The following ARHGEF3 variants were observed in gnomAD, a reference collection of about 807,000 sequenced individuals.
ARHGEF3 encodes Rho guanine nucleotide exchange factor 3, also known as 59.8 kDA protein.
Under a neutral mutation model 63.2 loss-of-function variants are expected in ARHGEF3, and 28 were observed. That is an observed-to-expected ratio of 0.44 (90% CI 0.33 to 0.61). The LOEUF (loss-of-function observed/expected upper bound fraction) is 0.61. Ranked by LOEUF, ARHGEF3 falls within the 20% of genes least tolerant of loss-of-function variation. The probability of loss-of-function intolerance (pLI) is 0.03; values close to 1 mark genes in which losing one functional copy is unlikely to be tolerated. For missense variants in ARHGEF3, 533 were observed against 659.3 expected (o/e 0.81, Z 2.10); for synonymous variants, 266 against 254.2 (o/e 1.05, Z -0.44).
chr3:56,888,942 C>A (rs577781272), intron 3 of ARHGEF3, among the ~76,000 whole-genome samples: 74 of 150,652 alleles, frequency 4.9e-4, no homozygotes, highest in Non-Finnish European at 7.6e-4. Context: ...CAAAAATGAC[C>A]AGGGGGTCCC....
chr3:56,980,875 C>T (rs150474497), intron 2 of ARHGEF3, among the ~76,000 whole-genome samples: 187 of 152,350 alleles, frequency 1.2e-3, no homozygotes, highest in African/African-American at 4.4e-3. Context: ...AGGCTCTTGC[C>T]TGACTGCACT....
Position 56,774,484 on chromosome 3 carries a change from G to A in ARHGEF3, c.97-668C>T, listed in dbSNP as rs552650266. Among the ~76,000 whole-genome samples the A allele has an allele frequency of 2.6e-5, 4 of 152,282 alleles. No homozygotes were observed. The South Asian group carries it at 8.3e-4, about 32-fold the overall frequency. The stretch of plus-strand genomic sequence containing the variant: ...GTTTCTATACTATATATAGCCACAA[G>A]TTTTGAAAATCACCTCCACATAAAA... On this transcript the variant is annotated intron_variant, in intron 1 of 9. Transcript: ENST00000296315.
intron 2 of ARHGEF3, among the ~76,000 whole-genome samples, chr3:56,969,747 C>T (rs1359236812): frequency 7.6e-5 from 5 of 65,510 alleles, no homozygotes; most frequent in Non-Finnish European, 1.6e-4. Context: ...AGTGAGACTC[C>T]GTATCAAAAA....
intron 9 of ARHGEF3, 35 bp downstream of exon 9, chr3:56,732,203 A>T (rs1175258843): frequency 1.2e-6 from 2 of 1,611,556 alleles, no homozygotes; most frequent in African/African-American, 2.7e-5. Flanking sequence ...ACGGCCAAAA[A>T]CATTCAACAG....
intron 4 of ARHGEF3, among the ~76,000 whole-genome samples, chr3:56,871,878 T>C (rs2040441558): frequency 1.3e-5 from 2 of 152,208 alleles, no homozygotes; most frequent in Non-Finnish European, 2.9e-5. Flanking sequence ...TTCTTTCCAG[T>C]ATGAATGGAG....
Position 56,729,588 on chromosome 3 carries a change from T to A in ARHGEF3, c.1263A>T (p.Gly421=), listed in dbSNP as rs2032969068. 4.4e-6 allele frequency: 7 copies of A among 1,605,264 alleles called. No individual in the cohort carries two copies. Among genetic ancestry groups the A allele is most frequent in the Non-Finnish European group, 6.0e-6 (7 of 1,174,238 alleles). Residue 421 remains glycine (G), a synonymous_variant, in exon 10 of 10, where the codon GGA becomes GGT. Transcript: ENST00000296315. ...KNFFRVSFKN[G]SQSQTHSLQA... Reference sequence around the variant, plus strand: ...GTAGCGAGTGGGTCTGACTTTGGGATCCATTTTTGAAACTGACTCTGAAGA... The same window carrying A: ...GTAGCGAGTGGGTCTGACTTTGGGAACCATTTTTGAAACTGACTCTGAAGA...
chr3:57,002,424 CTA>C (rs55778548), intron 2 of ARHGEF3, among the ~76,000 whole-genome samples: 741 of 62,702 alleles, frequency 0.012, 32 homozygotes, highest in Non-Finnish European at 0.021. Context: ...GTTCTAAGCA[CTA>C]TATATATATA....
chr3:56,912,429 A>G (rs2041877153), intron 3 of ARHGEF3, among the ~76,000 whole-genome samples: 1 of 152,210 alleles, frequency 6.6e-6, no homozygotes, highest in African/African-American at 2.4e-5. Flanking sequence ...AAGTTATCAC[A>G]TAGCACCTAA....
intron 4 of ARHGEF3, among the ~76,000 whole-genome samples, chr3:56,881,938 C>A (rs2108257753): frequency 6.6e-6 from 1 of 152,316 alleles, no homozygotes; most frequent in South Asian, 2.1e-4. Context: ...CTGGGCCAAG[C>A]CACTAACTTT....
At chr3:56,786,691 C>T (rs1374209979) in intron 1 of ARHGEF3, among the ~76,000 whole-genome samples, 3 of 152,048 alleles carry the variant, frequency 2.0e-5, no homozygotes, top group Non-Finnish European at 4.4e-5. Flanking sequence ...TCATTATCTA[C>T]AGTTTATTAA....
chr3:56,736,049 A>AACACACACACACACACACAC (rs10530565), intron 8 of ARHGEF3, among the ~76,000 whole-genome samples: 5 of 147,068 alleles, frequency 3.4e-5, no homozygotes, highest in African/African-American at 1.2e-4. Context: ...CAGAAATTTA[A>AACACACACACACACACACAC]ACACACACAC....
At chr3:56,816,327 ATACT>A (rs1190764822) in intron 4 of ARHGEF3, among the ~76,000 whole-genome samples, 4 of 152,224 alleles carry the variant, frequency 2.6e-5, no homozygotes, top group Non-Finnish European at 5.9e-5. Context: ...CTTACCCAAA[ATACT>A]TACTTACATT....
intron 3 of ARHGEF3, among the ~76,000 whole-genome samples, chr3:56,911,439 G>T (rs1181684803): frequency 6.6e-6 from 1 of 152,126 alleles, no homozygotes; most frequent in African/African-American, 2.4e-5. Flanking sequence ...ACCCCGGCCA[G>T]TATCAGGAAT....
At chr3:56,961,823 A>G (rs6770205) in intron 2 of ARHGEF3, among the ~76,000 whole-genome samples, 145,183 of 152,198 alleles carry the variant, frequency 0.95, 69,647 homozygotes, top group East Asian at 1. Flanking sequence ...TGGGAGGATC[A>G]CTTGAAGGCA....
intron 4 of ARHGEF3, among the ~76,000 whole-genome samples, chr3:56,865,901 T>C (rs2040234285): frequency 6.6e-6 from 1 of 152,114 alleles, no homozygotes; most frequent in Non-Finnish European, 1.5e-5. Context: ...TATTTTGTTA[T>C]AGCAGCCCAA....
At chr3:57,058,843 G>C (rs112901242) in intron 1 of ARHGEF3, among the ~76,000 whole-genome samples, 1 of 151,920 alleles carries the variant, frequency 6.6e-6, no homozygotes, top group Non-Finnish European at 1.5e-5. Flanking sequence ...TCCTTTGTAG[G>C]GACATGGATG....
chr3:56,834,598 A>G lies in ARHGEF3; in HGVS notation c.192+47694T>C, dbSNP rs150706586. The stretch of plus-strand genomic sequence containing the variant: ...AACTTTGTGAAACCCTGTCTCTACT[A>G]AAAATATGAAAATTAGCCAGGTGTG... On this transcript the variant is annotated intron_variant, in intron 4 of 12. Transcript: ENST00000338458. Among the ~76,000 whole-genome samples the G allele has an allele frequency of 4.0e-3, 611 of 152,214 alleles. 1 individual carries two copies. Among genetic ancestry groups the G allele is most frequent in the African/African-American group, 0.014 (573 of 41,542 alleles).
At chr3:56,861,161 A>T (rs1159806002) in intron 4 of ARHGEF3, among the ~76,000 whole-genome samples, 1 of 152,190 alleles carries the variant, frequency 6.6e-6, no homozygotes, top group Non-Finnish European at 1.5e-5. Context: ...ATGTAGGCAG[A>T]GGGGCTGCTG....
At chr3:56,743,431 A>G (rs933822961) in intron 7 of ARHGEF3, among the ~76,000 whole-genome samples, 10 of 152,232 alleles carry the variant, frequency 6.6e-5, no homozygotes. Context: ...TTTGGAGTCT[A>G]CACTGACAGG....
Sources: allele counts gnomAD v4.1 joint callset (sites outside exome capture counted in the v4.1 genomes callset), GRCh38; gene constraint gnomAD v4.1.1; transcripts MANE v1.5; gene names NCBI Gene and HGNC (gene_info 2026-07-23, HGNC 2026-07-21).